Variants in SLCO6A1 observed in about 807,000 individuals in gnomAD.
SLCO6A1 encodes cancer/testis antigen 48.
Under a neutral mutation model 72.7 loss-of-function variants are expected in SLCO6A1, and 65 were observed. That is an observed-to-expected ratio of 0.89 (90% CI 0.73 to 1.10). The LOEUF is 1.10. Ranked by LOEUF, SLCO6A1 falls within the 50% of genes least tolerant of loss-of-function variation. The probability of loss-of-function intolerance (pLI) is 0.00; values close to 1 mark genes in which losing one functional copy is unlikely to be tolerated. For synonymous variants in SLCO6A1, 314 were observed against 298.2 expected, an observed-to-expected ratio of 1.05 and a Z score of -0.55; for missense variants, 874 against 872.6, an observed-to-expected ratio of 1.00 and a Z score of -0.02.
intron 12 of SLCO6A1, among the ~76,000 whole-genome samples, chr5:102,377,740 C>T (rs1418005498): frequency 6.6e-6 from 1 of 151,698 alleles, no homozygotes; most frequent in Non-Finnish European, 1.5e-5. Context: ...GGCACAATCT[C>T]ATCTCACCGC....
At chr5:102,435,880 A>G (rs1341149686) in intron 7 of SLCO6A1, among the ~76,000 whole-genome samples, 1 of 152,136 alleles carries the variant, frequency 6.6e-6, no homozygotes, top group East Asian at 1.9e-4. Flanking sequence ...CATCTCAAAA[A>G]AAAAAAAAAA....
At chr5:102,427,676 G>A (rs1411825150) in intron 7 of SLCO6A1, among the ~76,000 whole-genome samples, 1 of 151,148 alleles carries the variant, frequency 6.6e-6, no homozygotes, top group Non-Finnish European at 1.5e-5. Context: ...AGGACATTAG[G>A]TAAAAATTGA....
chr5:102,492,016 A>G (rs1047498687), intron 1 of SLCO6A1, among the ~76,000 whole-genome samples: 1 of 152,236 alleles, frequency 6.6e-6, no homozygotes, highest in East Asian at 1.9e-4. Flanking sequence ...CACATCTTAC[A>G]TGGCCAGAGA....
Position 102,419,880 on chromosome 5 carries a change from A to G in SLCO6A1, c.1418T>C (p.Ile473Thr). Residue 473 changes from isoleucine to threonine, a missense_variant, in exon 8 of 14, where the codon ATT (isoleucine) becomes ACT (threonine). Physicochemically the swap from Ile to Thr is moderately conservative, Grantham distance 89. Coordinates refer to ENST00000506729, the MANE Select transcript of SLCO6A1 (RefSeq NM_173488.5). ...VISLILLVFI[I>T]FVRCNPVQFA... Reference sequence around the variant, plus strand: ...TTGCACTGGATTACAGCGTACAAAAATAATAAACACAAGCAGTATAAGTGA... The same window carrying G: ...TTGCACTGGATTACAGCGTACAAAAGTAATAAACACAAGCAGTATAAGTGA... The G allele has an allele frequency of 1.2e-6, 2 of 1,608,358 alleles. No individual in the cohort carries two copies. The highest frequency in any genetic ancestry group is 1.7e-6 in the Non-Finnish European group (2 of 1,178,410).
rs1752759141 is a variant in SLCO6A1, at chr5:102,493,147, A to G, written c.358+5340T>C. On this transcript the variant is annotated intron_variant, in intron 1 of 13. Coordinates refer to ENST00000506729, the MANE Select transcript of SLCO6A1 (RefSeq NM_173488.5). Reference sequence around the variant, plus strand: ...TGAGGAGGAAAGATAAGAAGGGGAAAAACATCCCAATTAATTTAGCGAAAC... The same window carrying G: ...TGAGGAGGAAAGATAAGAAGGGGAAGAACATCCCAATTAATTTAGCGAAAC... 2.8e-5 allele frequency among the ~76,000 whole-genome samples: 4 copies of G among 143,586 alleles called. 1 individual carries two copies. In the Admixed American group the frequency reaches 2.8e-4, roughly 10 times the overall value. 94.2% of individuals were successfully genotyped at this position (143,586 alleles called of 152,430 possible). A position where few individuals can be genotyped will look rare whatever the true frequency, so the allele number is the denominator to read the frequency against.
At chr5:102,459,454 T>A (rs1365705823) in intron 5 of SLCO6A1, among the ~76,000 whole-genome samples, 1 of 152,044 alleles carries the variant, frequency 6.6e-6, no homozygotes, top group African/African-American at 2.4e-5. Flanking sequence ...TTCTGGTACA[T>A]AAATCAAATA....
intron 7 of SLCO6A1, among the ~76,000 whole-genome samples, chr5:102,427,540 T>C (rs1748959871): frequency 6.6e-6 from 1 of 152,012 alleles, no homozygotes; most frequent in Non-Finnish European, 1.5e-5. Context: ...TGGCCAGTAC[T>C]CCTAAAAACT....
intron 2 of SLCO6A1, among the ~76,000 whole-genome samples, chr5:102,478,083 G>A (rs1752004699): frequency 6.6e-6 from 1 of 152,010 alleles, no homozygotes; most frequent in African/African-American, 2.4e-5. Context: ...CACACCTGTA[G>A]TACCAGCTAC....
intron 9 of SLCO6A1, among the ~76,000 whole-genome samples, chr5:102,402,514 A>C (rs1747455075): frequency 6.6e-6 from 1 of 152,190 alleles, no homozygotes; most frequent in African/African-American, 2.4e-5. Context: ...ACAGAATGCC[A>C]CAGACTGAGT....
chr5:102,440,849 T>C (rs888685531), intron 6 of SLCO6A1, among the ~76,000 whole-genome samples: 7 of 152,268 alleles, frequency 4.6e-5, no homozygotes, highest in Non-Finnish European at 7.3e-5. Flanking sequence ...AAGTATAAAG[T>C]AGTACCACAA....
chr5:102,405,985 C>A (rs1450446254), intron 9 of SLCO6A1, among the ~76,000 whole-genome samples: 2 of 151,938 alleles, frequency 1.3e-5, no homozygotes, highest in African/African-American at 2.4e-5. Flanking sequence ...TCTAAATAGA[C>A]TGTGAAATGT....
chr5:102,413,797 T>C (rs1350770846), intron 8 of SLCO6A1, among the ~76,000 whole-genome samples: 1 of 152,190 alleles, frequency 6.6e-6, no homozygotes, highest in African/African-American at 2.4e-5. Flanking sequence ...AAAAAAATGT[T>C]AGACATTTTA....
chr5:102,477,925 A>G lies in SLCO6A1; in HGVS notation c.617-64T>C, dbSNP rs900751523. On this transcript the variant is annotated intron_variant, in intron 2 of 13. Transcript: ENST00000506729. The stretch of plus-strand genomic sequence containing the variant: ...CTCAAACATAAAACAAATGTGCAGT[A>G]TTCTTTATCAAATATTTTACAAGCT... The G allele has an allele frequency of 1.1e-5, 15 of 1,410,334 alleles. No individual in the cohort carries two copies. In the African/African-American group the frequency reaches 1.6e-4, roughly 15 times the overall value. The allele number at this position is 1,410,334 out of a possible 1,614,324, so 87.4% of individuals were successfully genotyped here.
chr5:102,446,500 T>C (rs984664632), intron 6 of SLCO6A1, among the ~76,000 whole-genome samples: 2 of 152,202 alleles, frequency 1.3e-5, no homozygotes, highest in Non-Finnish European at 2.9e-5. Context: ...AGGTATAGTA[T>C]TACATTGTCT....
At chr5:102,390,771 C>T (rs1746711075) in intron 11 of SLCO6A1, among the ~76,000 whole-genome samples, 1 of 152,032 alleles carries the variant, frequency 6.6e-6, no homozygotes, top group South Asian at 2.1e-4. Context: ...ATATAATATG[C>T]ATATTTTATT....
intron 9 of SLCO6A1, among the ~76,000 whole-genome samples, chr5:102,405,574 T>C (rs1254216171): frequency 6.6e-6 from 1 of 152,016 alleles, no homozygotes; most frequent in East Asian, 1.9e-4. Flanking sequence ...ATTCAATGTC[T>C]AGTGAAAATA....
intron 12 of SLCO6A1, among the ~76,000 whole-genome samples, chr5:102,377,316 A>C (rs1041058680): frequency 2.0e-5 from 3 of 152,208 alleles, no homozygotes; most frequent in Non-Finnish European, 2.9e-5. Context: ...GCACAAGCTA[A>C]TGCTGTAGAA....
At chr5:102,395,651 C>T (rs1014601909) in intron 10 of SLCO6A1, among the ~76,000 whole-genome samples, 4 of 152,226 alleles carry the variant, frequency 2.6e-5, no homozygotes, top group African/African-American at 9.6e-5. Flanking sequence ...GTTTACAGAC[C>T]CACCAACAGT....
At chr5:102,485,826 T>G (rs552015698) in intron 1 of SLCO6A1, among the ~76,000 whole-genome samples, 6 of 152,314 alleles carry the variant, frequency 3.9e-5, no homozygotes, top group African/African-American at 1.4e-4. Context: ...GACTGTGGTC[T>G]TAGGGGCTTC....
Sources: allele counts gnomAD v4.1 joint callset (sites outside exome capture counted in the v4.1 genomes callset), GRCh38; gene constraint gnomAD v4.1.1; transcripts MANE v1.5; gene names NCBI Gene and HGNC (gene_info 2026-07-23, HGNC 2026-07-21).